The following PIH1D2 variants were observed in gnomAD, a reference collection of about 807,000 sequenced individuals.
The protein encoded by PIH1D2 is PIH1 domain-containing protein 2.
A neutral mutation model predicts 31.2 loss-of-function variants in PIH1D2; 25 were observed. The ratio of observed to expected loss-of-function variants is 0.80; its 90% CI spans 0.58 to 1.12. PIH1D2 has a LOEUF of 1.12. Ranked by LOEUF, PIH1D2 falls within the 50% of genes most tolerant of loss-of-function variation. The pLI is 0.00. For synonymous variants in PIH1D2, 116 were observed against 119.9 expected (o/e 0.97, Z 0.21); for missense variants, 310 against 356.6 (o/e 0.87, Z 1.05).
downstream of PIH1D2, chr11:112,064,412 T>C (rs1864827964): frequency 1.8e-6 from 1 of 543,512 alleles, no homozygotes; most frequent in Non-Finnish European, 3.2e-6. Context: ...TAATTTTTGG[T>C]CTGTTGGTAA....
chr11:112,053,831 C>G, the PIH1D2 span, among the ~76,000 whole-genome samples: 1 of 152,014 alleles, frequency 6.6e-6, no homozygotes, highest in Non-Finnish European at 1.5e-5. Flanking sequence ...TTTCTGTTGC[C>G]TTTTATGAGT....
the PIH1D2 span, among the ~76,000 whole-genome samples, chr11:112,057,932 C>T: frequency 2.6e-5 from 4 of 152,114 alleles, no homozygotes; most frequent in East Asian, 1.9e-4. Flanking sequence ...TTGTTAGTCA[C>T]GATGCTATTG....
At chr11:112,061,112 A>G, downstream of PIH1D2, 1 of 1,614,074 alleles carries the variant, frequency 6.2e-7, no homozygotes. Flanking sequence ...ACCCACCTCA[A>G]GCATGTATTT....
downstream of PIH1D2, chr11:112,062,361 A>G: frequency 1.9e-6 from 3 of 1,608,518 alleles, no homozygotes; most frequent in Non-Finnish European, 2.5e-6. Flanking sequence ...GCTGAAATGC[A>G]GTATTTTCTT....
In PIH1D2 at chr11:112,071,321, A is replaced by G. The variant is rs782145459; in HGVS notation, c.302-38T>C. 3.4e-5 allele frequency: 54 copies of G among 1,575,572 alleles called. No homozygotes were observed. The Middle Eastern group carries it at 8.5e-4, about 25-fold the overall frequency. Reference sequence around the variant, plus strand: ...TTGAAAGGGTATGAAATGAAGAAAAATTGTTGCACTAATGATACTGTCAGG... The same window carrying G: ...TTGAAAGGGTATGAAATGAAGAAAAGTTGTTGCACTAATGATACTGTCAGG... On this transcript the variant is annotated intron_variant, in intron 3 of 5. Coordinates refer to ENST00000280350, the MANE Select transcript of PIH1D2 (RefSeq NM_138789.4).
chr11:112,062,558 C>T, downstream of PIH1D2: 1 of 1,611,198 alleles, frequency 6.2e-7, no homozygotes, highest in Non-Finnish European at 8.5e-7. Flanking sequence ...TTTCTAAACT[C>T]TCCCAGGTCA....
chr11:112,064,093 G>C, downstream of PIH1D2: 1 of 1,229,798 alleles, frequency 8.1e-7, no homozygotes, highest in Non-Finnish European at 1.1e-6. Flanking sequence ...GTAATTTTAG[G>C]TTGAAGATTA....
chr11:112,065,647 G>GA (rs782578184), downstream of PIH1D2, among the ~76,000 whole-genome samples: 10 of 148,554 alleles, frequency 6.7e-5, no homozygotes, highest in African/African-American at 1.5e-4. Context: ...TTGAGGCAAG[G>GA]AAAAAAAAAC....
Position 112,071,611 on chromosome 11 carries a change from G to A in PIH1D2, c.301+24C>T, listed in dbSNP as rs1359937607. The A allele has an allele frequency of 5.6e-6, 9 of 1,607,186 alleles. No individual in the cohort carries two copies. In the Middle Eastern group the frequency reaches 8.2e-4, roughly 147 times the overall value. On this transcript the variant is annotated intron_variant, in intron 3 of 5. Transcript: ENST00000280350. ...CCATTCCTAATAAAATTTTTACAAT[G>A]TGCTTTCTCTCAATTATTTGTACCT... is the stretch of plus-strand genomic sequence containing the variant.
intron 2 of PIH1D2, 59 bp from the exon 3 acceptor site, chr11:112,071,817 G>A (rs941694236): frequency 5.0e-5 from 79 of 1,577,430 alleles, no homozygotes; most frequent in African/African-American, 6.7e-5. Context: ...TTAAGGCCAG[G>A]CATGGTGGCT....
the PIH1D2 span, among the ~76,000 whole-genome samples, chr11:112,054,286 C>A: frequency 1.3e-5 from 2 of 152,182 alleles, no homozygotes; most frequent in East Asian, 3.9e-4. Context: ...CGCCACTGCA[C>A]TCCAGCCTGA....
At chr11:112,059,406 G>A (rs587724534), downstream of PIH1D2, among the ~76,000 whole-genome samples, 31 of 149,294 alleles carry the variant, frequency 2.1e-4, no homozygotes, top group South Asian at 6.2e-3. Context: ...CAGGGGCAGC[G>A]TTGGGGGATG....
At chr11:112,059,087 C>T (rs1356811121), downstream of PIH1D2, among the ~76,000 whole-genome samples, 1 of 151,706 alleles carries the variant, frequency 6.6e-6, no homozygotes. Context: ...CTTACTTTTA[C>T]GTTCTTCTGA....
At chr11:112,065,907 G>A (rs886947776), downstream of PIH1D2, among the ~76,000 whole-genome samples, 2 of 151,960 alleles carry the variant, frequency 1.3e-5, no homozygotes, top group African/African-American at 4.8e-5. Flanking sequence ...CTTGAACCTC[G>A]GGATGGGGCA....
Position 112,072,994 on chromosome 11 carries a change from A to G in PIH1D2, c.177+4T>C. 6.3e-7 allele frequency: 1 copy of G among 1,596,896 alleles called. No homozygotes were observed. The highest frequency in any genetic ancestry group is 8.6e-7 in the Non-Finnish European group (1 of 1,168,512). ...TCCCCATCCCTGGCACCAACTCGAC[A>G]TACCAGAATCCTGGTCTGTAGACAA... On this transcript the variant is annotated splice_donor_region_variant and intron_variant, in intron 2 of 5. Coordinates refer to ENST00000280350, the MANE Select transcript of PIH1D2 (RefSeq NM_138789.4).
rs782460193 is a variant in PIH1D2 at position 112,071,646 on chromosome 11, G to A, written c.290C>T (p.Thr97Ile). Residue 97 changes from threonine (T) to isoleucine (I), a missense_variant, in exon 3 of 6, where the codon ACT (threonine) becomes ATT (isoleucine). Coordinates refer to ENST00000280350, the MANE Select transcript of PIH1D2 (RefSeq NM_138789.4). Reference protein sequence around the residue: ...PLTVGKPEDTTEISDAYTVID... With the variant: ...PLTVGKPEDTIEISDAYTVID... ...TCAATTATTTGTACCTGATATCTCA[G>A]TTGTATCTTCTGGTTTGCCAACAGT... is the stretch of plus-strand genomic sequence containing the variant. 1.4e-5 allele frequency: 22 copies of A among 1,613,466 alleles called. No individual in the cohort carries two copies. The highest frequency in any genetic ancestry group is 1.9e-5 in the Non-Finnish European group (22 of 1,179,548).
chr11:112,056,269 G>A, the PIH1D2 span, among the ~76,000 whole-genome samples: 1 of 152,002 alleles, frequency 6.6e-6, no homozygotes, highest in African/African-American at 2.4e-5. Flanking sequence ...GCAGAATTAC[G>A]CAGTCTTTAC....
chr11:112,065,503 C>T (rs1457185186), downstream of PIH1D2, among the ~76,000 whole-genome samples: 8 of 152,074 alleles, frequency 5.3e-5, no homozygotes, highest in Non-Finnish European at 1.0e-4. Flanking sequence ...AAGGTGAAGG[C>T]ACTCAGTTTT....
At chr11:112,066,040 T>C (rs781892140), downstream of PIH1D2, among the ~76,000 whole-genome samples, 26 of 152,210 alleles carry the variant, frequency 1.7e-4, no homozygotes, top group Non-Finnish European at 3.4e-4. Flanking sequence ...ATGTATCAGT[T>C]ATTTCTGTTA....
Sources: gnomAD v4.1 joint callset for allele counts (sites outside exome capture counted in the v4.1 genomes callset) on GRCh38, gnomAD v4.1.1 for gene constraint, MANE v1.5 for transcripts, NCBI Gene and HGNC (gene_info 2026-07-23, HGNC 2026-07-21) for gene names.